ATXN7: variants seen among roughly 807,000 people sequenced by gnomAD.
ATXN7 encodes ataxin 7.
In ATXN7, 12 loss-of-function variants were observed where a neutral mutation model predicts 70.5. The observed-to-expected ratio is 0.17, with a 90% confidence interval of 0.11 to 0.28. The LOEUF (loss-of-function observed/expected upper bound fraction) is 0.28, where lower values mean the gene tolerates loss of function less well. ATXN7 is among the 10% of genes least tolerant of loss of function. The pLI, the probability that ATXN7 is intolerant of heterozygous loss-of-function variation, is 1.00. For synonymous variants in ATXN7, 498 were observed against 448.7 expected (o/e 1.11, Z -1.39); for missense variants, 1,256 against 1,131.7 (o/e 1.11, Z -1.58).
intron 5 of ATXN7, among the ~76,000 whole-genome samples, chr3:63,959,710 C>G (rs1428531177): frequency 1.3e-5 from 2 of 151,972 alleles, no homozygotes; most frequent in Admixed American, 6.6e-5. Context: ...AAGCAAATAT[C>G]TTTAAAATAA....
At chr3:63,987,426 T>C (rs1468106361) in intron 8 of ATXN7, among the ~76,000 whole-genome samples, 1 of 152,228 alleles carries the variant, frequency 6.6e-6, no homozygotes, top group Non-Finnish European at 1.5e-5. Flanking sequence ...AGGGATTACT[T>C]TGTCTCCCTT....
intron 8 of ATXN7, among the ~76,000 whole-genome samples, chr3:63,986,965 TA>T (rs1182910895): frequency 2.0e-5 from 3 of 152,182 alleles, no homozygotes; most frequent in Admixed American, 6.6e-5. Flanking sequence ...GATATGTGAT[TA>T]GGGGCCACTG....
intron 5 of ATXN7, among the ~76,000 whole-genome samples, chr3:63,965,505 A>T (rs140882949): frequency 1.1e-3 from 168 of 152,252 alleles, no homozygotes; most frequent in African/African-American, 3.7e-3. Context: ...ACACCATCCA[A>T]ACCACAGCTG....
intron 2 of ATXN7, among the ~76,000 whole-genome samples, chr3:63,899,578 T>A (rs1399212422): frequency 6.6e-6 from 1 of 151,468 alleles, no homozygotes; most frequent in South Asian, 2.1e-4. Flanking sequence ...TTGAGACCAG[T>A]CTGGCCAACA....
intron 5 of ATXN7, among the ~76,000 whole-genome samples, chr3:63,958,607 AGTTTT>A (rs2075074324): frequency 1.3e-5 from 2 of 152,306 alleles, no homozygotes; most frequent in South Asian, 4.1e-4. Context: ...AGGTTCAGAT[AGTTTT>A]TAACATGTCA....
intron 1 of ATXN7, among the ~76,000 whole-genome samples, chr3:63,883,543 A>T (rs1197657198): frequency 1.3e-5 from 2 of 152,058 alleles, no homozygotes; most frequent in Non-Finnish European, 2.9e-5. Context: ...TCCCAATTAA[A>T]AAAAAAAACA....
intron 1 of ATXN7, among the ~76,000 whole-genome samples, chr3:63,895,748 T>C (rs1344179319): frequency 6.6e-6 from 1 of 151,880 alleles, no homozygotes; most frequent in African/African-American, 2.4e-5. Flanking sequence ...TCTCTCTCTC[T>C]CTTTCTCTCT....
chr3:63,988,530 G>A (rs1476528691), intron 9 of ATXN7: 1 of 644,564 alleles, frequency 1.6e-6, no homozygotes, highest in African/African-American at 1.9e-5. Context: ...GTAAATGCAA[G>A]CAGCAAAATA....
In ATXN7 at chr3:63,913,180, A is replaced by G; in HGVS notation, c.349A>G (p.Lys117Glu). ...KDGTELDESF[K>E]EFGKNREVMG... is the part of the protein sequence containing the mutation. ...AGGGACAGAATTGGACGAAAGTTTC[A>G]AGGAGTTTGGGAAAAACCGCGAAGT... Residue 117 changes from lysine to glutamate, a missense_variant, in exon 4 of 13, where the codon AAG becomes GAG. Transcript: ENST00000674280. The G allele has an allele frequency of 6.2e-7, 1 of 1,613,770 alleles. No individual in the cohort carries two copies. Among genetic ancestry groups the G allele is most frequent in the East Asian group, 2.2e-5 (1 of 44,838 alleles).
At chr3:63,995,406 A>G (rs1299968013) in intron 11 of ATXN7, 99 bp from the exon 12 acceptor site, 4 of 1,341,064 alleles carry the variant, frequency 3.0e-6, no homozygotes, top group African/African-American at 1.4e-5. Context: ...TTTGATGTGG[A>G]TGGTTTCTCT....
chr3:63,983,106 A>G, intron 8 of ATXN7, 85 bp downstream of exon 8: 1 of 1,086,444 alleles, frequency 9.2e-7, no homozygotes, highest in Non-Finnish European at 1.4e-6. Flanking sequence ...CAGTCTCTCT[A>G]ACCCAGAGAA....
chr3:63,966,880 A>G (rs542609182), intron 5 of ATXN7, among the ~76,000 whole-genome samples: 1 of 152,336 alleles, frequency 6.6e-6, no homozygotes, highest in African/African-American at 2.4e-5. Context: ...ATTTTGAACT[A>G]TCAGGTATCT....
chr3:63,863,715 C>G, upstream of ATXN7: 1 of 1,248,578 alleles, frequency 8.0e-7, no homozygotes, highest in Non-Finnish European at 1.0e-6. Flanking sequence ...CCAGGGGTCT[C>G]AGGGGAGGCC....
At position 63,991,850 on chromosome 3, in the gene ATXN7, T is replaced by C. The variant is rs114317789; in HGVS notation, c.1682+991T>C. On this transcript the variant is annotated intron_variant, in intron 11 of 12. Coordinates refer to ENST00000674280, the MANE Select transcript of ATXN7 (RefSeq NM_001377405.1). The stretch of plus-strand genomic sequence containing the variant: ...AAAAAAAAAAGGTTCTGTTTTTTAC[T>C]GCAGAACTTGTCAGAGCCTTAATGG... Among the ~76,000 whole-genome samples the C allele has an allele frequency of 8.3e-3, 1,263 of 152,248 alleles. 21 individuals are homozygous for C. The highest frequency in any genetic ancestry group is 0.027 in the African/African-American group (1,102 of 41,546).
chr3:63,957,146 A>G (rs2075053356), intron 5 of ATXN7, among the ~76,000 whole-genome samples: 1 of 152,182 alleles, frequency 6.6e-6, no homozygotes, highest in African/African-American at 2.4e-5. Flanking sequence ...CTGCAGCTTC[A>G]CTGAGTTTGC....
intron 1 of ATXN7, among the ~76,000 whole-genome samples, chr3:63,893,111 T>C (rs1469340677): frequency 6.6e-6 from 1 of 152,186 alleles, no homozygotes; most frequent in African/African-American, 2.4e-5. Context: ...TCCTGTGTTA[T>C]AGATGGGAGG....
chr3:63,875,777 G>T (rs938935405), intron 1 of ATXN7, among the ~76,000 whole-genome samples: 1 of 152,164 alleles, frequency 6.6e-6, no homozygotes, highest in Non-Finnish European at 1.5e-5. Context: ...TGACACTTTT[G>T]TTTAATTAAG....
chr3:63,865,946 G>C (rs1288622849), intron 1 of ATXN7, among the ~76,000 whole-genome samples: 1 of 142,136 alleles, frequency 7.0e-6, no homozygotes, highest in Non-Finnish European at 1.5e-5. Context: ...GTCATGTGGT[G>C]AAAAGTTTTT....
At chr3:63,921,066 A>G (rs939675539) in intron 4 of ATXN7, among the ~76,000 whole-genome samples, 1 of 152,246 alleles carries the variant, frequency 6.6e-6, no homozygotes, top group African/African-American at 2.4e-5. Context: ...CAGGGATTAT[A>G]ATAAATGAGC....
Sources: gnomAD v4.1 joint callset for allele counts (sites outside exome capture counted in the v4.1 genomes callset) on GRCh38, gnomAD v4.1.1 for gene constraint, MANE v1.5 for transcripts, NCBI Gene and HGNC (gene_info 2026-07-23, HGNC 2026-07-21) for gene names.